The following IL20RA variants were observed in gnomAD, a reference collection of about 807,000 sequenced individuals.
IL20RA encodes interleukin-20 receptor subunit alpha.
In IL20RA, 29 loss-of-function variants were observed where a neutral mutation model predicts 36.5. That is an observed-to-expected ratio of 0.79 (90% CI 0.59 to 1.08). The LOEUF is 1.08. Ranked by LOEUF, IL20RA falls within the 50% of genes least tolerant of loss-of-function variation. The pLI is 0.00. For missense variants in IL20RA, 652 were observed against 668.4 expected (o/e 0.98, Z 0.27); for synonymous variants, 279 against 267.1 (o/e 1.04, Z -0.43).
rs759921109 is a variant in IL20RA, at chr6:137,004,609, C to T, written c.864+12G>A. The T allele has an allele frequency of 6.2e-6, 10 of 1,613,262 alleles. No homozygotes were observed. In the South Asian group the frequency reaches 9.9e-5, roughly 16 times the overall value. ...TATTATAATAAAGAACCCTGCCACA[C>T]CAAGTACTCACCAAATTTGCTGGGT... On this transcript the variant is annotated intron_variant, in intron 6 of 6. Transcript: ENST00000316649.
intron 5 of IL20RA, among the ~76,000 whole-genome samples, chr6:137,007,051 G>A (rs998172530): frequency 1.3e-5 from 2 of 152,120 alleles, no homozygotes; most frequent in Non-Finnish European, 2.9e-5. Flanking sequence ...GAGAAAGTGG[G>A]CTTCATCTGC....
chr6:137,014,403 T>C (rs1775602005), intron 2 of IL20RA, among the ~76,000 whole-genome samples: 1 of 152,174 alleles, frequency 6.6e-6, no homozygotes, highest in Non-Finnish European at 1.5e-5. Context: ...AGAAGGACGA[T>C]ATGATAGCAG....
At chr6:137,036,228 A>G (rs1446061680) in intron 1 of IL20RA, among the ~76,000 whole-genome samples, 1 of 152,214 alleles carries the variant, frequency 6.6e-6, no homozygotes, top group African/African-American at 2.4e-5. Context: ...GAACCACTGC[A>G]TGTGGCTGAG....
chr6:137,027,844 C>G (rs1776147261), intron 1 of IL20RA, among the ~76,000 whole-genome samples: 1 of 152,144 alleles, frequency 6.6e-6, no homozygotes, highest in African/African-American at 2.4e-5. Context: ...AGACAGGGCT[C>G]TCGCCTGGGA....
intron 1 of IL20RA, among the ~76,000 whole-genome samples, chr6:137,017,758 A>T (rs769044130): frequency 1.3e-5 from 2 of 152,172 alleles, no homozygotes; most frequent in African/African-American, 4.8e-5. Context: ...GAAATAAGAC[A>T]ATTTATTTAA....
At chr6:137,022,302 A>G (rs571213845) in intron 1 of IL20RA, among the ~76,000 whole-genome samples, 1 of 152,090 alleles carries the variant, frequency 6.6e-6, no homozygotes, top group Non-Finnish European at 1.5e-5. Context: ...TCCTCTTTTG[A>G]CACGTTCTCC....
chr6:137,031,082 C>T (rs935841631), intron 1 of IL20RA, among the ~76,000 whole-genome samples: 3 of 152,180 alleles, frequency 2.0e-5, no homozygotes, highest in Non-Finnish European at 2.9e-5. Flanking sequence ...CCATTATTAT[C>T]AGTAATAAAC....
Position 137,009,309 on chromosome 6 carries a change from A to G in IL20RA, c.579+8T>C. On this transcript the variant is annotated splice_region_variant and intron_variant, in intron 4 of 6. Coordinates refer to ENST00000316649, the MANE Select transcript of IL20RA (RefSeq NM_014432.4). ...ATGAATGTATGCCCCATTCCATTTCAGGCTTACCGTTCTGTTTGATTTAGT... is the reference window on the plus strand; with the variant it reads ...ATGAATGTATGCCCCATTCCATTTCGGGCTTACCGTTCTGTTTGATTTAGT... 1 of 1,609,012 alleles carries G rather than the reference A, an allele frequency of 6.2e-7. No homozygotes were observed. Among genetic ancestry groups the G allele is most frequent in the South Asian group, 1.1e-5 (1 of 90,978 alleles).
chr6:137,021,222 G>T (rs997772489), intron 1 of IL20RA, among the ~76,000 whole-genome samples: 2 of 152,022 alleles, frequency 1.3e-5, no homozygotes, highest in Admixed American at 6.6e-5. Context: ...ATGTGTCTTT[G>T]ATCAATGGAA....
rs577744322 is a variant in IL20RA at position 137,044,011 on chromosome 6, C to T, written c.88+630G>A. 4,274 of 717,258 alleles carry T rather than the reference C, an allele frequency of 6.0e-3. 15 individuals are homozygous for T. The highest frequency in any genetic ancestry group is 6.6e-3 in the Non-Finnish European group (3,837 of 585,088). 44.4% of individuals were successfully genotyped at this position (717,258 alleles called of 1,614,324 possible). A position where few individuals can be genotyped will look rare whatever the true frequency, so the allele number is the denominator to read the frequency against. On this transcript the variant is annotated intron_variant, in intron 1 of 6. Transcript: ENST00000316649. The stretch of plus-strand genomic sequence containing the variant: ...AAACGAGTTAAAAGTTTTGTTATTT[C>T]TGAAAAATCAAAGAGCACTATCTGT...
chr6:137,043,176 A>G (rs1181942692), intron 1 of IL20RA, among the ~76,000 whole-genome samples: 1 of 152,172 alleles, frequency 6.6e-6, no homozygotes, highest in Non-Finnish European at 1.5e-5. Context: ...TGGCGTGATC[A>G]TAACTCACTG....
intron 1 of IL20RA, chr6:137,044,170 C>G (rs928508656): frequency 4.1e-6 from 4 of 986,040 alleles, no homozygotes; most frequent in Admixed American, 1.2e-4. Flanking sequence ...AAGCGCGGAT[C>G]TCGCGACGCG....
At chr6:137,031,430 G>C (rs1038591929) in intron 1 of IL20RA, among the ~76,000 whole-genome samples, 1 of 152,188 alleles carries the variant, frequency 6.6e-6, no homozygotes, top group African/African-American at 2.4e-5. Context: ...GGTCCCATAA[G>C]ATGATGTATA....
intron 1 of IL20RA, among the ~76,000 whole-genome samples, chr6:137,037,098 GAGA>G (rs141001147): frequency 0.066 from 10,064 of 152,230 alleles, 625 homozygotes; most frequent in African/African-American, 0.16. Flanking sequence ...CTATGCAGCC[GAGA>G]AGAAGCGGGG....
chr6:137,017,487 C>T (rs557537696), intron 1 of IL20RA, among the ~76,000 whole-genome samples: 2 of 152,066 alleles, frequency 1.3e-5, no homozygotes, highest in Non-Finnish European at 2.9e-5. Flanking sequence ...TGAGAGACCT[C>T]GTGTGAGATC....
intron 1 of IL20RA, among the ~76,000 whole-genome samples, chr6:137,022,499 C>T (rs903416710): frequency 1.3e-5 from 2 of 152,164 alleles, no homozygotes; most frequent in African/African-American, 4.8e-5. Context: ...ATAAATCATA[C>T]TATAGTCAAT....
At chr6:137,025,157 T>A (rs971053906) in intron 1 of IL20RA, among the ~76,000 whole-genome samples, 1 of 152,194 alleles carries the variant, frequency 6.6e-6, no homozygotes, top group African/African-American at 2.4e-5. Context: ...ATAAATGGAA[T>A]GTGTGTGTTC....
chr6:137,028,308 C>T (rs187113458), intron 1 of IL20RA, among the ~76,000 whole-genome samples: 1 of 151,422 alleles, frequency 6.6e-6, no homozygotes, highest in Non-Finnish European at 1.5e-5. Context: ...GTCCCAGCTA[C>T]TTGGGAGGCT....
chr6:137,006,596 T>C (rs1056201693), intron 5 of IL20RA, among the ~76,000 whole-genome samples: 2 of 152,146 alleles, frequency 1.3e-5, no homozygotes, highest in African/African-American at 4.8e-5. Flanking sequence ...CCAATAGAGG[T>C]AATACTGATT....
Sources: allele counts gnomAD v4.1 joint callset (sites outside exome capture counted in the v4.1 genomes callset), GRCh38; gene constraint gnomAD v4.1.1; transcripts MANE v1.5; gene names NCBI Gene and HGNC (gene_info 2026-07-23, HGNC 2026-07-21).